The following PLCB1 variants were observed in gnomAD, a reference collection of about 807,000 sequenced individuals.
PLCB1 encodes the protein phospholipase C beta 1.
A neutral mutation model predicts 161.8 loss-of-function variants in PLCB1; 46 were observed. That is an observed-to-expected ratio of 0.28 (90% CI 0.22 to 0.36). PLCB1 has a LOEUF of 0.36. PLCB1 is among the 10% of genes least tolerant of loss of function. The probability of loss-of-function intolerance (pLI) is 1.00; values close to 1 mark genes in which losing one functional copy is unlikely to be tolerated. For missense variants in PLCB1, 1,016 were observed against 1,472.5 expected (o/e 0.69, Z 5.07); for synonymous variants, 517 against 503.7 (o/e 1.03, Z -0.35).
At chr20:8,269,387 A>G (rs1429757050) in intron 2 of PLCB1, among the ~76,000 whole-genome samples, 2 of 152,130 alleles carry the variant, frequency 1.3e-5, no homozygotes, top group East Asian at 3.8e-4. Context: ...CTGTATTCTC[A>G]TATGCAAAAT....
At chr20:8,524,489 T>G (rs1984503550) in intron 3 of PLCB1, among the ~76,000 whole-genome samples, 1 of 152,186 alleles carries the variant, frequency 6.6e-6, no homozygotes, top group Admixed American at 6.5e-5. Context: ...AGGATGAGAA[T>G]AACCTTGTAA....
At chr20:8,784,421 G>A (rs929252164) in intron 27 of PLCB1, among the ~76,000 whole-genome samples, 1 of 152,030 alleles carries the variant, frequency 6.6e-6, no homozygotes, top group East Asian at 1.9e-4. Context: ...AAATTAGCTG[G>A]GTATGGTGGC....
chr20:8,582,278 T>A (rs1986857015), intron 3 of PLCB1, among the ~76,000 whole-genome samples: 1 of 152,154 alleles, frequency 6.6e-6, no homozygotes, highest in Non-Finnish European at 1.5e-5. Context: ...GCACCCCTTT[T>A]TCTAGGAATT....
chr20:8,251,117 T>C (rs937396621), intron 2 of PLCB1, among the ~76,000 whole-genome samples: 1 of 151,950 alleles, frequency 6.6e-6, no homozygotes, highest in Non-Finnish European at 1.5e-5. Flanking sequence ...TTAAACTGTG[T>C]CTGCACTTGT....
At chr20:8,481,660 A>C (rs903428415) in intron 3 of PLCB1, among the ~76,000 whole-genome samples, 14 of 151,060 alleles carry the variant, frequency 9.3e-5, no homozygotes, top group African/African-American at 3.4e-4. Flanking sequence ...TTTGGGGGGG[A>C]ATTCTTTTGT....
At chr20:8,518,096 C>T (rs1368356627) in intron 3 of PLCB1, among the ~76,000 whole-genome samples, 1 of 151,960 alleles carries the variant, frequency 6.6e-6, no homozygotes, top group African/African-American at 2.4e-5. Context: ...GCAGGAGAAT[C>T]GCTTGAACCC....
At chr20:8,279,431 G>A (rs373441839) in intron 2 of PLCB1, among the ~76,000 whole-genome samples, 1 of 152,296 alleles carries the variant, frequency 6.6e-6, no homozygotes, top group East Asian at 1.9e-4. Flanking sequence ...CAGAAAGTGA[G>A]ATTACAAGGG....
rs544749418 is a variant in PLCB1 at position 8,722,376 on chromosome 20, C to T, written c.1536C>T (p.Asp512=). ...PGAGEADTES[D]DDDDDDDCKK... is the part of the protein sequence containing the mutation. Reference sequence around the variant, plus strand: ...CAGGAGAAGCTGATACGGAAAGTGACGACGACGATGATGATGATGACTGTA... The same window carrying T: ...CAGGAGAAGCTGATACGGAAAGTGATGACGACGATGATGATGATGACTGTA... The change falls in exon 15 of 32, where the codon GAC becomes GAT. Residue 512 remains aspartate, a synonymous_variant. Coordinates refer to ENST00000338037, the MANE Select transcript of PLCB1 (RefSeq NM_015192.4). 45 of 1,610,696 alleles carry T rather than the reference C, an allele frequency of 2.8e-5. No individual in the cohort carries two copies. Among genetic ancestry groups the T allele is most frequent in the African/African-American group, 9.4e-5 (7 of 74,584 alleles).
chr20:8,851,955 A>G (rs1163585666), intron 31 of PLCB1, among the ~76,000 whole-genome samples: 5 of 152,208 alleles, frequency 3.3e-5, no homozygotes, highest in Non-Finnish European at 7.3e-5. Flanking sequence ...CAACAGTGGC[A>G]TGGGTAAATG....
intron 1 of PLCB1, among the ~76,000 whole-genome samples, chr20:8,140,260 C>A (rs1214747968): frequency 6.6e-6 from 1 of 152,188 alleles, no homozygotes; most frequent in Non-Finnish European, 1.5e-5. Flanking sequence ...CTCCTCCAAC[C>A]CTTCCAGTTT....
intron 31 of PLCB1, among the ~76,000 whole-genome samples, chr20:8,848,859 C>G (rs538259227): frequency 6.6e-6 from 1 of 152,366 alleles, no homozygotes; most frequent in African/African-American, 2.4e-5. Flanking sequence ...AGGATCAGAG[C>G]TAAAGAAGAA....
chr20:8,647,208 T>C (rs1182121248), intron 5 of PLCB1, among the ~76,000 whole-genome samples: 5 of 152,238 alleles, frequency 3.3e-5, no homozygotes, highest in Non-Finnish European at 5.9e-5. Flanking sequence ...TTCTAGAATA[T>C]GTTTTCCAGA....
At chr20:8,836,412 A>G (rs1293779394) in intron 31 of PLCB1, among the ~76,000 whole-genome samples, 1 of 105,394 alleles carries the variant, frequency 9.5e-6, no homozygotes, top group Non-Finnish European at 2.2e-5. Flanking sequence ...CTGATGGGGT[A>G]TTACACACAC....
chr20:8,391,800 T>C (rs1210372146), intron 3 of PLCB1, among the ~76,000 whole-genome samples: 1 of 130,070 alleles, frequency 7.7e-6, no homozygotes, highest in Non-Finnish European at 1.5e-5. Flanking sequence ...TATATATATA[T>C]ATATATATAT....
intron 23 of PLCB1, among the ~76,000 whole-genome samples, chr20:8,753,324 C>G (rs1981579441): frequency 6.6e-6 from 1 of 152,154 alleles, no homozygotes; most frequent in Non-Finnish European, 1.5e-5. Context: ...AACCTCCTCT[C>G]CCCCTGGTCC....
chr20:8,218,824 C>T (rs1979265391), intron 2 of PLCB1, among the ~76,000 whole-genome samples: 1 of 151,974 alleles, frequency 6.6e-6, no homozygotes, highest in Non-Finnish European at 1.5e-5. Context: ...GCACAAGTTT[C>T]AAATATTCTA....
At chr20:8,547,654 C>G (rs1985605822) in intron 3 of PLCB1, among the ~76,000 whole-genome samples, 1 of 152,086 alleles carries the variant, frequency 6.6e-6, no homozygotes, top group South Asian at 2.1e-4. Flanking sequence ...CTTGTCAGTC[C>G]ACCTTGACAT....
chr20:8,592,093 A>G (rs571439169), intron 3 of PLCB1, among the ~76,000 whole-genome samples: 16 of 152,332 alleles, frequency 1.1e-4, no homozygotes, highest in African/African-American at 3.8e-4. Flanking sequence ...TGCATGAAAT[A>G]AAGGTTTTGT....
At chr20:8,812,068 T>C (rs7273925) in intron 31 of PLCB1, among the ~76,000 whole-genome samples, 9,675 of 152,100 alleles carry the variant, frequency 0.064, 709 homozygotes, top group South Asian at 0.2. Context: ...TTTTTTCAAA[T>C]TTTTCAAATT....
Sources: gnomAD v4.1 joint callset for allele counts (sites outside exome capture counted in the v4.1 genomes callset) on GRCh38, gnomAD v4.1.1 for gene constraint, MANE v1.5 for transcripts, NCBI Gene and HGNC (gene_info 2026-07-23, HGNC 2026-07-21) for gene names.